Variants in XYLT1 observed in about 807,000 individuals in gnomAD.
XYLT1 encodes the protein xylosyltransferase 1.
A neutral mutation model predicts 91.3 loss-of-function variants in XYLT1; 36 were observed. The observed-to-expected ratio is 0.39, with a 90% confidence interval of 0.30 to 0.52. The LOEUF (loss-of-function observed/expected upper bound fraction) is 0.52. Among genes scored for constraint, XYLT1 ranks in the 20% least tolerant of loss-of-function variants. The pLI, the probability that XYLT1 is intolerant of heterozygous loss-of-function variation, is 0.68. For missense variants in XYLT1, 1,242 were observed against 1,284.5 expected, an observed-to-expected ratio of 0.97 and a Z score of 0.51; for synonymous variants, 588 against 532.0, an observed-to-expected ratio of 1.11 and a Z score of -1.45.
chr16:17,456,551 G>A (rs1029828178), intron 1 of XYLT1, among the ~76,000 whole-genome samples: 4 of 152,020 alleles, frequency 2.6e-5, no homozygotes, highest in Non-Finnish European at 2.9e-5. Flanking sequence ...ATGTTGCCCA[G>A]GCTGGTCTTG....
At chr16:17,352,224 T>C (rs1347909146) in intron 2 of XYLT1, among the ~76,000 whole-genome samples, 1 of 152,190 alleles carries the variant, frequency 6.6e-6, no homozygotes, top group East Asian at 1.9e-4. Context: ...TAAGTTTAAG[T>C]TCAGCTGAAC....
intron 2 of XYLT1, among the ~76,000 whole-genome samples, chr16:17,275,390 T>TC (rs779579835): frequency 3.3e-5 from 5 of 151,176 alleles, no homozygotes; most frequent in East Asian, 1.9e-4. Context: ...GTTTCTAAAG[T>TC]CCCCCCCAGG....
intron 2 of XYLT1, among the ~76,000 whole-genome samples, chr16:17,313,332 G>A (rs953052627): frequency 6.6e-6 from 1 of 152,196 alleles, no homozygotes; most frequent in Admixed American, 6.5e-5. Context: ...GAGGGAGAGA[G>A]AAGGGGACAG....
intron 1 of XYLT1, among the ~76,000 whole-genome samples, chr16:17,400,985 T>TACACACACACACACAC (rs71373111): frequency 4.7e-5 from 7 of 148,682 alleles, no homozygotes; most frequent in African/African-American, 1.5e-4. Flanking sequence ...CTCTCTTTCA[T>TACACACACACACACAC]ACACACACAC....
intron 1 of XYLT1, among the ~76,000 whole-genome samples, chr16:17,370,549 A>G (rs1375191916): frequency 1.3e-5 from 2 of 152,208 alleles, no homozygotes; most frequent in African/African-American, 4.8e-5. Flanking sequence ...GAACACGTTC[A>G]TGAAGTGGTG....
chr16:17,260,102 A>G (rs184573873), intron 2 of XYLT1, among the ~76,000 whole-genome samples: 15 of 151,936 alleles, frequency 9.9e-5, no homozygotes, highest in African/African-American at 3.6e-4. Context: ...CCTGGAGCAA[A>G]GCAAACTTGC....
chr16:17,272,166 T>G (rs1415676365), intron 2 of XYLT1, among the ~76,000 whole-genome samples: 1 of 139,596 alleles, frequency 7.2e-6, no homozygotes. Flanking sequence ...TTTTTTTTTT[T>G]TTTTTTTTTT....
At chr16:17,206,598 T>G (rs1415035895) in intron 3 of XYLT1, among the ~76,000 whole-genome samples, 1 of 152,156 alleles carries the variant, frequency 6.6e-6, no homozygotes, top group Admixed American at 6.5e-5. Flanking sequence ...ATACTTCTCA[T>G]GGTGGCTTGC....
At chr16:17,123,916 G>C (rs1212447296) in intron 10 of XYLT1, among the ~76,000 whole-genome samples, 3 of 152,040 alleles carry the variant, frequency 2.0e-5, no homozygotes, top group Non-Finnish European at 4.4e-5. Context: ...AATTGCTGTT[G>C]CTTTAAAGTT....
At chr16:17,239,220 T>TCATC (rs146054901) in intron 3 of XYLT1, among the ~76,000 whole-genome samples, 60,931 of 145,446 alleles carry the variant, frequency 0.42, 13,209 homozygotes, top group South Asian at 0.49. Flanking sequence ...ATCCATCCAT[T>TCATC]CATCCATCCA....
At position 17,465,570 on chromosome 16, in the gene XYLT1, G is replaced by T. The variant is rs2036885806; in HGVS notation, c.363+4864C>A. Among the ~76,000 whole-genome samples the T allele has an allele frequency of 4.7e-4, 52 of 111,620 alleles. 1 individual carries two copies. Among genetic ancestry groups the T allele is most frequent in the Non-Finnish European group, 1.9e-4 (10 of 53,066 alleles). 73.2% of individuals were successfully genotyped at this position (111,620 alleles called of 152,430 possible). On this transcript the variant is annotated intron_variant, in intron 1 of 11. Coordinates refer to ENST00000261381, the MANE Select transcript of XYLT1 (RefSeq NM_022166.4). The stretch of plus-strand genomic sequence containing the variant: ...GTGTTTTTTTTTGGGGGGGGGGGGG[G>T]TGAGCATTTAATAACCTAACGTATG...
chr16:17,255,479 CAGA>C (rs1252690999), intron 3 of XYLT1, among the ~76,000 whole-genome samples: 52 of 152,264 alleles, frequency 3.4e-4, no homozygotes, highest in South Asian at 1.5e-3. Context: ...CTCTGATATA[CAGA>C]AGGAGCTCAA....
intron 3 of XYLT1, among the ~76,000 whole-genome samples, chr16:17,242,422 G>A (rs968665627): frequency 3.3e-5 from 5 of 152,106 alleles, no homozygotes; most frequent in African/African-American, 7.2e-5. Context: ...TTGTGCTACC[G>A]TCTTGCTCAA....
chr16:17,138,198 A>C, intron 8 of XYLT1, 157 bp downstream of exon 8: 1 of 807,870 alleles, frequency 1.2e-6, no homozygotes, highest in Admixed American at 3.1e-5. Flanking sequence ...CTCAATAAAC[A>C]CTGGCTATTG....
rs1369263325 is a variant in XYLT1, at chr16:17,104,176, A to G, written c.*4519T>C. 1 of 152,726 alleles carries G rather than the reference A, an allele frequency of 6.5e-6. No homozygotes were observed. Among genetic ancestry groups the G allele is most frequent in the Non-Finnish European group, 1.5e-5 (1 of 68,114 alleles). 9.5% of individuals were successfully genotyped at this position (152,726 alleles called of 1,614,324 possible). On this transcript the variant is annotated 3_prime_UTR_variant, in exon 12 of 12. Coordinates refer to ENST00000261381, the MANE Select transcript of XYLT1 (RefSeq NM_022166.4). ...GTGGTTTCCAAAGAGGCTTCCAGGG[A>G]TGGGACAAGATGGCTGTGTCAACAC...
At position 17,191,703 on chromosome 16, in the gene XYLT1, T is replaced by C. The variant is rs142271460; in HGVS notation, c.1289+6509A>G. ...AGCCCTGGCCACCTGTTCCTGTCTT[T>C]ACCAGCTGGTGTTTCCTACTGAGGC... On this transcript the variant is annotated intron_variant, in intron 5 of 11. Transcript: ENST00000261381. Among the ~76,000 whole-genome samples the C allele has an allele frequency of 6.6e-5, 10 of 152,352 alleles. No individual in the cohort carries two copies. In the East Asian group the frequency reaches 1.5e-3, roughly 23 times the overall value.
At chr16:17,245,407 C>A (rs2033420453) in intron 3 of XYLT1, among the ~76,000 whole-genome samples, 2 of 152,150 alleles carry the variant, frequency 1.3e-5, no homozygotes, top group South Asian at 4.1e-4. Context: ...TTAATTTGCG[C>A]TTTGTGGCTC....
chr16:17,252,305 T>C (rs1401358456), intron 3 of XYLT1, among the ~76,000 whole-genome samples: 1 of 152,198 alleles, frequency 6.6e-6, no homozygotes, highest in Non-Finnish European at 1.5e-5. Flanking sequence ...TAGGGTTATG[T>C]CATGAGTAAC....
intron 5 of XYLT1, among the ~76,000 whole-genome samples, chr16:17,190,200 A>G (rs1188689125): frequency 6.6e-6 from 1 of 152,190 alleles, no homozygotes; most frequent in Non-Finnish European, 1.5e-5. Flanking sequence ...AATGTTTAGG[A>G]TTAGAGAGCG....
Sources: allele counts gnomAD v4.1 joint callset (sites outside exome capture counted in the v4.1 genomes callset), GRCh38; gene constraint gnomAD v4.1.1; transcripts MANE v1.5; gene names NCBI Gene and HGNC (gene_info 2026-07-23, HGNC 2026-07-21).